ARHGAP26: variants seen among roughly 807,000 people sequenced by gnomAD.
ARHGAP26 encodes Rho GTPase activating protein 26.
ARHGAP26 carries 38 observed loss-of-function variants against 104.8 expected under a neutral mutation model. The observed-to-expected ratio is 0.36, with a 90% CI of 0.28 to 0.48. ARHGAP26 has a LOEUF of 0.48. ARHGAP26 is among the 20% of genes least tolerant of loss of function. ARHGAP26 has a pLI of 0.99. For missense variants in ARHGAP26, 704 were observed against 947.9 expected, an observed-to-expected ratio of 0.74 and a Z score of 3.38; for synonymous variants, 341 against 340.0, an observed-to-expected ratio of 1.00 and a Z score of -0.03.
At chr5:142,783,491 T>G (rs372610263) in intron 1 of ARHGAP26, among the ~76,000 whole-genome samples, 163 of 152,298 alleles carry the variant, frequency 1.1e-3, no homozygotes, top group African/African-American at 3.7e-3. Context: ...TTTTTTTTCT[T>G]TAAAAACATT....
At chr5:142,918,103 A>T (rs1438847665) in intron 10 of ARHGAP26, among the ~76,000 whole-genome samples, 2 of 151,914 alleles carry the variant, frequency 1.3e-5, no homozygotes, top group East Asian at 3.8e-4. Flanking sequence ...CTTGAACTTT[A>T]TGTTTCAAGG....
chr5:142,830,901 G>C (rs780297598), intron 1 of ARHGAP26, among the ~76,000 whole-genome samples: 9 of 152,116 alleles, frequency 5.9e-5, no homozygotes, highest in Non-Finnish European at 1.2e-4. Flanking sequence ...CCATAGCTAC[G>C]TGAAAATATG....
chr5:142,874,760 C>T (rs1439609331), intron 2 of ARHGAP26: 1 of 184,004 alleles, frequency 5.4e-6, no homozygotes, highest in Non-Finnish European at 1.1e-5. Context: ...TTGAGGAGGT[C>T]GAATCCAGAC....
chr5:143,126,246 A>G (rs1274515935), intron 18 of ARHGAP26, among the ~76,000 whole-genome samples: 1 of 152,214 alleles, frequency 6.6e-6, no homozygotes, highest in East Asian at 1.9e-4. Context: ...CACTCAGAGG[A>G]GCAGCATTAA....
chr5:143,169,195 C>A (rs961418725), intron 20 of ARHGAP26, among the ~76,000 whole-genome samples: 1 of 152,226 alleles, frequency 6.6e-6, no homozygotes, highest in Non-Finnish European at 1.5e-5. Context: ...AATGTGACAT[C>A]TTTTACATGT....
At chr5:142,924,563 T>C (rs189586047) in intron 10 of ARHGAP26, among the ~76,000 whole-genome samples, 17 of 152,344 alleles carry the variant, frequency 1.1e-4, no homozygotes, top group African/African-American at 4.1e-4. Flanking sequence ...TAATAAACAC[T>C]CAGTAAATCT....
chr5:143,215,602 C>A (rs1032152930), intron 22 of ARHGAP26, among the ~76,000 whole-genome samples: 1 of 152,130 alleles, frequency 6.6e-6, no homozygotes, highest in Non-Finnish European at 1.5e-5. Flanking sequence ...AACCCCATAC[C>A]TTTTAGCAGT....
chr5:142,799,258 G>C (rs745312760), intron 1 of ARHGAP26, among the ~76,000 whole-genome samples: 14 of 151,826 alleles, frequency 9.2e-5, no homozygotes, highest in Non-Finnish European at 1.9e-4. Flanking sequence ...TCTGCATTTT[G>C]GTTCTTTCTT....
intron 20 of ARHGAP26, among the ~76,000 whole-genome samples, chr5:143,153,873 CCTT>C (rs1480941038): frequency 6.6e-6 from 1 of 152,152 alleles, no homozygotes; most frequent in Non-Finnish European, 1.5e-5. Context: ...CCAGAGTCAA[CCTT>C]CTTCTCCTGT....
chr5:142,919,077 C>G (rs1306579763), intron 10 of ARHGAP26: 1 of 396,920 alleles, frequency 2.5e-6, no homozygotes, highest in Non-Finnish European at 4.4e-6. Context: ...CTGCCAAAAT[C>G]ATATGCTGAA....
intron 17 of ARHGAP26, among the ~76,000 whole-genome samples, chr5:143,120,740 G>A (rs1201882870): frequency 6.6e-6 from 1 of 152,194 alleles, no homozygotes; most frequent in Non-Finnish European, 1.5e-5. Context: ...GCTTTGGTTG[G>A]TTGGTTGTTC....
chr5:142,993,358 A>G (rs1775929274), intron 11 of ARHGAP26, among the ~76,000 whole-genome samples: 1 of 151,660 alleles, frequency 6.6e-6, no homozygotes, highest in African/African-American at 2.4e-5. Context: ...TTTAGTAGAG[A>G]TGGGGTTTCA....
chr5:142,856,674 T>C (rs928796517), intron 1 of ARHGAP26, among the ~76,000 whole-genome samples: 3 of 152,212 alleles, frequency 2.0e-5, no homozygotes, highest in African/African-American at 7.2e-5. Flanking sequence ...TTTTTTTCTT[T>C]TTTCTACTCT....
intron 17 of ARHGAP26, among the ~76,000 whole-genome samples, chr5:143,081,504 G>C (rs926401630): frequency 6.6e-6 from 1 of 152,196 alleles, no homozygotes; most frequent in Non-Finnish European, 1.5e-5. Flanking sequence ...GGAAGTCCTG[G>C]AGTCAAACAG....
intron 11 of ARHGAP26, among the ~76,000 whole-genome samples, chr5:142,951,579 G>A (rs555484549): frequency 2.0e-5 from 3 of 152,156 alleles, no homozygotes; most frequent in Non-Finnish European, 4.4e-5. Context: ...CTTGATTACT[G>A]TCAGGGTGGT....
intron 12 of ARHGAP26, among the ~76,000 whole-genome samples, chr5:143,020,614 T>G (rs1408495648): frequency 6.6e-6 from 1 of 151,540 alleles, no homozygotes; most frequent in Admixed American, 6.6e-5. Flanking sequence ...GGTTTGTTTT[T>G]AATCTAGTGC....
At chr5:143,152,593 A>G (rs1005707390) in intron 20 of ARHGAP26, among the ~76,000 whole-genome samples, 4 of 152,212 alleles carry the variant, frequency 2.6e-5, no homozygotes, top group Middle Eastern at 3.2e-3. Context: ...GAATCTTTGC[A>G]ACCCCTCCCA....
intron 11 of ARHGAP26, among the ~76,000 whole-genome samples, chr5:142,993,763 T>C (rs1178551256): frequency 6.6e-6 from 1 of 152,200 alleles, no homozygotes; most frequent in African/African-American, 2.4e-5. Flanking sequence ...TGCTTCAGCC[T>C]TCCTCCTAAG....
intron 1 of ARHGAP26, among the ~76,000 whole-genome samples, chr5:142,794,869 C>T (rs1760649425): frequency 6.6e-6 from 1 of 152,158 alleles, no homozygotes; most frequent in Admixed American, 6.5e-5. Context: ...GTCTCTTTCT[C>T]TTTATGATAT....
Sources: allele counts gnomAD v4.1 joint callset (sites outside exome capture counted in the v4.1 genomes callset), GRCh38; gene constraint gnomAD v4.1.1; transcripts MANE v1.5; gene names NCBI Gene and HGNC (gene_info 2026-07-23, HGNC 2026-07-21).